TNS3: variants seen among roughly 807,000 people sequenced by gnomAD.
The protein encoded by TNS3 is tensin 3.
Under a neutral mutation model 140.9 loss-of-function variants are expected in TNS3, and 45 were observed. The ratio of observed to expected loss-of-function variants is 0.32; its 90% CI spans 0.25 to 0.41. The LOEUF (loss-of-function observed/expected upper bound fraction) is 0.41. TNS3 is among the 10% of genes least tolerant of loss of function. The pLI is 1.00. For missense variants in TNS3, 1,716 were observed against 1,906.7 expected (o/e 0.90, Z 1.86); for synonymous variants, 815 against 788.4 (o/e 1.03, Z -0.56).
intron 3 of TNS3, 105 bp from the exon 4 acceptor site, chr7:47,481,246 T>C: frequency 1.2e-6 from 1 of 816,064 alleles, no homozygotes; most frequent in Non-Finnish European, 1.8e-6. Context: ...GTCTCTAACC[T>C]CACTCTGGCT....
intron 4 of TNS3, among the ~76,000 whole-genome samples, chr7:47,454,932 T>C (rs890335812): frequency 1.9e-4 from 29 of 152,108 alleles, no homozygotes; most frequent in African/African-American, 6.3e-4. Context: ...GGGTTATGTA[T>C]GCTGAGTCCA....
chr7:47,527,688 G>C (rs984059342), intron 2 of TNS3, among the ~76,000 whole-genome samples: 1 of 152,178 alleles, frequency 6.6e-6, no homozygotes, highest in Non-Finnish European at 1.5e-5. Flanking sequence ...TAAGGCAGGA[G>C]AATCACTTGA....
chr7:47,359,026 G>A (rs1790166994), intron 17 of TNS3, among the ~76,000 whole-genome samples: 1 of 152,192 alleles, frequency 6.6e-6, no homozygotes, highest in African/African-American at 2.4e-5. Context: ...ACAGGACCTA[G>A]CAACCCCTCT....
chr7:47,302,409 T>C (rs974098761), intron 22 of TNS3, 137 bp from the exon 23 acceptor site: 1 of 676,856 alleles, frequency 1.5e-6, no homozygotes, highest in African/African-American at 1.8e-5. Context: ...AAGGGAACCC[T>C]GCCTTTGAAA....
chr7:47,520,816 G>A (rs921307998), intron 2 of TNS3, among the ~76,000 whole-genome samples: 10 of 152,224 alleles, frequency 6.6e-5, no homozygotes, highest in Admixed American at 5.9e-4. Flanking sequence ...TGGGAGGGCT[G>A]AGCTCAGTTC....
At chr7:47,302,019 T>C (rs1786429666) in intron 23 of TNS3, among the ~76,000 whole-genome samples, 167 bp downstream of exon 23, 1 of 152,212 alleles carries the variant, frequency 6.6e-6, no homozygotes, top group Non-Finnish European at 1.5e-5. Flanking sequence ...TTAAAGGTTG[T>C]AGCATGTCCC....
chr7:47,452,830 A>C (rs1189586158), intron 4 of TNS3: 1 of 767,158 alleles, frequency 1.3e-6, no homozygotes. Flanking sequence ...CTTCACTGCA[A>C]AGCAGCCAGT....
At position 47,280,305 on chromosome 7, in the gene TNS3, A is replaced by G. The variant is rs769951171; in HGVS notation, c.4147T>C (p.Leu1383=). 1.2e-6 allele frequency: 2 copies of G among 1,614,078 alleles called. No individual in the cohort carries two copies. Among genetic ancestry groups the G allele is most frequent in the Non-Finnish European group, 1.7e-6 (2 of 1,180,042 alleles). ...TCTTACTTCCTGTCTTGTGGGTCCA[A>G]GGCACAGAAAATCACACTGTTCACG... The part of the protein sequence containing the change: ...YPVNSVIFCA[L]DPQDRKWIKD... Residue 1383 remains leucine, a synonymous_variant, in exon 29 of 31, where the codon TTG becomes CTG. Transcript: ENST00000311160.
intron 23 of TNS3, among the ~76,000 whole-genome samples, chr7:47,298,738 A>G (rs1400909195): frequency 6.6e-6 from 1 of 152,212 alleles, no homozygotes; most frequent in Non-Finnish European, 1.5e-5. Flanking sequence ...ACATGCCCCC[A>G]GGCCTGACCG....
Position 47,400,410 on chromosome 7 carries a change from G to T in TNS3, c.902C>A (p.Thr301Lys). ...CTACCCACCTTGAATCTTCTCAGGC[G>T]TGGCAGAGAAGACTAATTCAACCTT... ...YGKVELVFSA[T>K]PEKIQGSEHL... Residue 301 changes from threonine (T) to lysine (K), a missense_variant, in exon 15 of 31, where the codon ACG becomes AAG. Thr to Lys is a moderately conservative substitution (Grantham distance 78, BLOSUM62 -1). This residue lies in a region of TNS3 where 337 missense variants were observed against 428.9 expected (regional missense o/e 0.79). Coordinates refer to ENST00000311160, the MANE Select transcript of TNS3 (RefSeq NM_022748.12). 6.2e-7 allele frequency: 1 copy of T among 1,614,046 alleles called. No homozygotes were observed. The highest frequency in any genetic ancestry group is 8.5e-7 in the Non-Finnish European group (1 of 1,179,962).
chr7:47,580,726 A>T (rs1415519591), intron 1 of TNS3, among the ~76,000 whole-genome samples: 1 of 152,156 alleles, frequency 6.6e-6, no homozygotes, highest in East Asian at 1.9e-4. Context: ...TCACCAGAAC[A>T]AGTAAACCTC....
chr7:47,372,366 A>G (rs957685557), intron 16 of TNS3, among the ~76,000 whole-genome samples: 2 of 152,186 alleles, frequency 1.3e-5, no homozygotes, highest in African/African-American at 4.8e-5. Context: ...ATGACTTAAA[A>G]AAAAGCCCAA....
intron 13 of TNS3, 67 bp from the exon 14 acceptor site, chr7:47,400,981 A>G: frequency 6.2e-7 from 1 of 1,600,708 alleles, no homozygotes; most frequent in Non-Finnish European, 8.5e-7. Context: ...GGCAAGGAAC[A>G]CACTCCGCGG....
intron 9 of TNS3, among the ~76,000 whole-genome samples, chr7:47,427,123 C>CAAAAAAAAAAAAAAAAAAA (rs61383259): frequency 9.4e-6 from 1 of 106,824 alleles, no homozygotes. Context: ...AAGACTCTGT[C>CAAAAAAAAAAAAAAAAAAA]AAAAAAAAAA....
intron 20 of TNS3, among the ~76,000 whole-genome samples, chr7:47,315,727 A>G (rs1347557367): frequency 6.6e-6 from 1 of 152,212 alleles, no homozygotes; most frequent in African/African-American, 2.4e-5. Context: ...TTCATGAGGG[A>G]TCCAAACATC....
At chr7:47,438,886 G>A (rs1795322358) in intron 6 of TNS3, among the ~76,000 whole-genome samples, 1 of 152,156 alleles carries the variant, frequency 6.6e-6, no homozygotes, top group Non-Finnish European at 1.5e-5. Flanking sequence ...TCCCATTAGT[G>A]ACTGTTGACA....
At position 47,368,888 on chromosome 7, in the gene TNS3, T is replaced by C. The variant is rs1790877426; in HGVS notation, c.1758A>G (p.Thr586=). 6 of 1,613,648 alleles carry C rather than the reference T, an allele frequency of 3.7e-6. No homozygotes were observed. Among genetic ancestry groups the C allele is most frequent in the Non-Finnish European group, 5.1e-6 (6 of 1,179,862 alleles). Residue 586 remains threonine, a synonymous_variant, in exon 17 of 31, where the codon ACA becomes ACG. Coordinates refer to ENST00000311160, the MANE Select transcript of TNS3 (RefSeq NM_022748.12). ...TCTGCTGCTGGCGCACCCAGGTCTGTGTGGAGTAGCTGCTCTGCCCATAGG... is the reference window on the plus strand; with the variant it reads ...TCTGCTGCTGGCGCACCCAGGTCTGCGTGGAGTAGCTGCTCTGCCCATAGG... ...MQAYGQSSYS[T]QTWVRQQQMV...
chr7:47,301,817 C>T (rs757548984), intron 23 of TNS3, among the ~76,000 whole-genome samples: 3 of 152,240 alleles, frequency 2.0e-5, no homozygotes, highest in Non-Finnish European at 2.9e-5. Context: ...CTCACCCTGT[C>T]CTCTCTGGTT....
chr7:47,501,823 G>T (rs1337217194), intron 3 of TNS3, among the ~76,000 whole-genome samples: 1 of 152,170 alleles, frequency 6.6e-6, no homozygotes, highest in African/African-American at 2.4e-5. Context: ...AGCCTTCATG[G>T]GGAAGAAGAG....
Sources: gnomAD v4.1 joint callset for allele counts (sites outside exome capture counted in the v4.1 genomes callset) on GRCh38, gnomAD v4.1.1 for gene constraint, gnomAD v4.1.1 regional missense constraint, MANE v1.5 for transcripts, NCBI Gene and HGNC (gene_info 2026-07-23, HGNC 2026-07-21) for gene names.